FBXW7: variants seen among roughly 807,000 people sequenced by gnomAD.
FBXW7 encodes F-box/WD repeat-containing protein 7.
A neutral mutation model predicts 86.3 loss-of-function variants in FBXW7; 11 were observed. The observed-to-expected ratio is 0.13, with a 90% CI of 0.08 to 0.21. The LOEUF is 0.21. Ranked by LOEUF, FBXW7 falls within the 10% of genes least tolerant of loss-of-function variation. The pLI, the probability that FBXW7 is intolerant of heterozygous loss-of-function variation, is 1.00. For synonymous variants in FBXW7, 313 were observed against 297.9 expected, an observed-to-expected ratio of 1.05 and a Z score of -0.52; for missense variants, 488 against 847.4, an observed-to-expected ratio of 0.58 and a Z score of 5.27.
intron 2 of FBXW7, among the ~76,000 whole-genome samples, chr4:152,490,555 C>T (rs929705778): frequency 2.6e-5 from 4 of 151,976 alleles, no homozygotes; most frequent in Non-Finnish European, 5.9e-5. Context: ...TCAAAAGTCA[C>T]AGAGCTAGGA....
chr4:152,384,419 G>A (rs1229508327), intron 4 of FBXW7, among the ~76,000 whole-genome samples: 2 of 152,032 alleles, frequency 1.3e-5, no homozygotes, highest in South Asian at 2.1e-4. Context: ...AGTAAAATAA[G>A]TCAGTCAAAA....
At chr4:152,484,211 G>A (rs1745144134) in intron 2 of FBXW7, among the ~76,000 whole-genome samples, 1 of 151,804 alleles carries the variant, frequency 6.6e-6, no homozygotes. Flanking sequence ...TTATGATTGG[G>A]TTCCAACATC....
At chr4:152,382,425 AT>A (rs1735172499) in intron 4 of FBXW7, 1 of 1,257,270 alleles carries the variant, frequency 8.0e-7, no homozygotes, top group South Asian at 3.7e-5. Flanking sequence ...AAAAATATAT[AT>A]TTAATAATAG....
chr4:152,493,924 T>C (rs1176523083), intron 2 of FBXW7, among the ~76,000 whole-genome samples: 1 of 152,204 alleles, frequency 6.6e-6, no homozygotes, highest in East Asian at 1.9e-4. Flanking sequence ...GTTGGTATCA[T>C]AAGCAAATAC....
At chr4:152,506,286 C>T (rs1237365386) in intron 2 of FBXW7, among the ~76,000 whole-genome samples, 2 of 152,144 alleles carry the variant, frequency 1.3e-5, no homozygotes, top group African/African-American at 4.8e-5. Flanking sequence ...TGCCCGCCAC[C>T]ACACCCAGCT....
chr4:152,400,620 T>C (rs959917834), intron 4 of FBXW7, among the ~76,000 whole-genome samples: 1 of 152,062 alleles, frequency 6.6e-6, no homozygotes, highest in Non-Finnish European at 1.5e-5. Context: ...GTGCTGGGAT[T>C]ATAGGTGTGA....
In FBXW7 at chr4:152,427,105, C is replaced by G. The variant is rs191778244; in HGVS notation, c.-119-14576G>C. ...ATTTAATGAAATTGGTGTGGTTATG[C>G]TTGGAAAATAAGCTAGATAAAATTA... On this transcript the variant is annotated intron_variant, in intron 2 of 13. Transcript: ENST00000281708. 8.2e-3 allele frequency among the ~76,000 whole-genome samples: 1,248 copies of G among 152,154 alleles called. 6 individuals carry two copies. Among genetic ancestry groups the G allele is most frequent in the Middle Eastern group, 0.031 (9 of 294 alleles).
chr4:152,516,962 A>G (rs1748550867), intron 2 of FBXW7, among the ~76,000 whole-genome samples: 1 of 152,168 alleles, frequency 6.6e-6, no homozygotes, highest in African/African-American at 2.4e-5. Flanking sequence ...AGTAGCTGGG[A>G]CTACAGGCAA....
chr4:152,445,891 C>T (rs1359669308), intron 2 of FBXW7, among the ~76,000 whole-genome samples: 1 of 130,554 alleles, frequency 7.7e-6, no homozygotes, highest in African/African-American at 2.7e-5. Flanking sequence ...ACCTGGGTGA[C>T]ACAGCAAGAC....
chr4:152,462,426 G>A (rs112995131), intron 2 of FBXW7, among the ~76,000 whole-genome samples: 1 of 152,190 alleles, frequency 6.6e-6, no homozygotes, highest in South Asian at 2.1e-4. Flanking sequence ...GTCCCCTGGG[G>A]TCTCCCCTAT....
rs983402251 is a variant in FBXW7 at position 152,367,557 on chromosome 4, T to C, written c.502-17433A>G. Among the ~76,000 whole-genome samples the C allele has an allele frequency of 5.9e-5, 9 of 152,262 alleles. No homozygotes were observed. In the South Asian group the frequency reaches 1.9e-3, roughly 32 times the overall value. On this transcript the variant is annotated intron_variant, in intron 4 of 13. Transcript: ENST00000281708. ...TGATGGTTATTTTAATTATACTTCATTCACTTTGGTTTTGTGAATATGCAA... is the reference window on the plus strand; with the variant it reads ...TGATGGTTATTTTAATTATACTTCACTCACTTTGGTTTTGTGAATATGCAA...
chr4:152,368,095 ACT>A (rs530461556), intron 4 of FBXW7, among the ~76,000 whole-genome samples: 144 of 152,008 alleles, frequency 9.5e-4, no homozygotes, highest in African/African-American at 3.4e-3. Context: ...TTTTTAACGC[ACT>A]CTGTTATTAG....
intron 2 of FBXW7, among the ~76,000 whole-genome samples, chr4:152,426,722 T>C (rs1739421719): frequency 1.3e-5 from 2 of 152,164 alleles, no homozygotes; most frequent in African/African-American, 2.4e-5. Flanking sequence ...ACAAGTGTAG[T>C]GGGCCCTCAG....
chr4:152,486,592 T>C (rs1579327904), intron 2 of FBXW7, among the ~76,000 whole-genome samples: 1 of 152,280 alleles, frequency 6.6e-6, no homozygotes, highest in African/African-American at 2.4e-5. Context: ...ACTGTCTCAC[T>C]GGAAGGTCTT....
At chr4:152,365,959 T>C (rs780780219) in intron 4 of FBXW7, among the ~76,000 whole-genome samples, 2 of 152,120 alleles carry the variant, frequency 1.3e-5, no homozygotes, top group Non-Finnish European at 2.9e-5. Flanking sequence ...AGTTCCTGCA[T>C]ATAGTAGGGT....
At chr4:152,328,594 A>C in intron 10 of FBXW7, 1 of 413,950 alleles carries the variant, frequency 2.4e-6, no homozygotes, top group Non-Finnish European at 4.2e-6. Context: ...AAGCACAAGC[A>C]ATTGTGTATG....
chr4:152,357,144 A>C lies in FBXW7; in HGVS notation c.502-7020T>G, dbSNP rs546560916. Among the ~76,000 whole-genome samples the C allele has an allele frequency of 5.8e-4, 89 of 152,300 alleles. 2 individuals carry two copies. The South Asian group carries it at 0.018, about 31-fold the overall frequency. ...CTGTGACACTAGTGCCTTAGAAAAA[A>C]ATCCCAAACACTAAACACTGTAATA... On this transcript the variant is annotated intron_variant, in intron 4 of 13. Coordinates refer to ENST00000281708, the MANE Select transcript of FBXW7 (RefSeq NM_001349798.2).
At chr4:152,323,576 A>G (rs1728736480) in intron 13 of FBXW7, 1 of 182,068 alleles carries the variant, frequency 5.5e-6, no homozygotes, top group Admixed American at 5.4e-5. Flanking sequence ...AGACAAAACC[A>G]ATGAGTAAAA....
At chr4:152,352,610 A>G (rs1731929210) in intron 4 of FBXW7, 2 of 1,613,770 alleles carry the variant, frequency 1.2e-6, no homozygotes, top group South Asian at 2.2e-5. Context: ...TATGTCACAG[A>G]TTCTAATGTG....
Sources: gnomAD v4.1 joint callset for allele counts (sites outside exome capture counted in the v4.1 genomes callset) on GRCh38, gnomAD v4.1.1 for gene constraint, MANE v1.5 for transcripts, NCBI Gene and HGNC (gene_info 2026-07-23, HGNC 2026-07-21) for gene names.